NEK7: variants seen among roughly 807,000 people sequenced by gnomAD.
NEK7 encodes NIMA related kinase 7.
Under a neutral mutation model 44.6 loss-of-function variants are expected in NEK7, and 18 were observed. The ratio of observed to expected loss-of-function variants is 0.40; its 90% CI spans 0.28 to 0.60. NEK7 has a LOEUF of 0.60. Ranked by LOEUF, NEK7 falls within the 20% of genes least tolerant of loss-of-function variation. NEK7 has a pLI of 0.38. For synonymous variants in NEK7, 130 were observed against 121.1 expected (o/e 1.07, Z -0.48); for missense variants, 256 against 366.5 (o/e 0.70, Z 2.46).
chr1:198,316,728 C>A (rs1655380500), intron 9 of NEK7, among the ~76,000 whole-genome samples: 1 of 152,142 alleles, frequency 6.6e-6, no homozygotes, highest in African/African-American at 2.4e-5. Context: ...ATCCTTACTA[C>A]CTAACAAAGT....
rs192117970 is a variant in NEK7, at chr1:198,291,845, C to T, written c.590-1100C>T. Among the ~76,000 whole-genome samples the T allele has an allele frequency of 1.0e-3, 157 of 152,124 alleles. 1 individual carries two copies. The highest frequency in any genetic ancestry group is 1.3e-4 in the Non-Finnish European group (9 of 67,962). Reference sequence around the variant, plus strand: ...CTTTATTCTTTTGGCAAACTGACTCCTGCCTTTGAGTATAGTGCTTTGATT... The same window carrying T: ...CTTTATTCTTTTGGCAAACTGACTCTTGCCTTTGAGTATAGTGCTTTGATT... On this transcript the variant is annotated intron_variant, in intron 7 of 9. Transcript: ENST00000367385.
chr1:198,283,663 AAT>A (rs1654280291), intron 7 of NEK7, among the ~76,000 whole-genome samples: 1 of 152,116 alleles, frequency 6.6e-6, no homozygotes, highest in African/African-American at 2.4e-5. Context: ...ATCTTATAAA[AAT>A]ATATGTTAAG....
chr1:198,262,555 A>T lies in NEK7; in HGVS notation c.199-20A>T, dbSNP rs1571585314. The stretch of plus-strand genomic sequence containing the variant: ...CCATAGGTTATTATTTTATTAAGTA[A>T]TTCTGGGTTCTGTTTTTAGATATTT... On this transcript the variant is annotated intron_variant, in intron 3 of 9. Coordinates refer to ENST00000367385, the MANE Select transcript of NEK7 (RefSeq NM_133494.3). 7 of 1,510,714 alleles carry T rather than the reference A, an allele frequency of 4.6e-6. No individual in the cohort carries two copies. The highest frequency in any genetic ancestry group is 6.4e-6 in the Non-Finnish European group (7 of 1,094,102). 93.6% of individuals were successfully genotyped at this position (1,510,714 alleles called of 1,614,324 possible).
intron 2 of NEK7, among the ~76,000 whole-genome samples, chr1:198,250,478 C>A (rs561000065): frequency 3.3e-4 from 50 of 151,400 alleles, no homozygotes; most frequent in African/African-American, 1.2e-3. Flanking sequence ...GGCAGTATGG[C>A]CATTTTCACG....
At chr1:198,314,749 G>T (rs371097010) in intron 9 of NEK7, among the ~76,000 whole-genome samples, 2 of 152,200 alleles carry the variant, frequency 1.3e-5, no homozygotes, top group Admixed American at 6.5e-5. Flanking sequence ...CTGCTCAGGG[G>T]TCAGGGGTCA....
At chr1:198,174,432 G>A (rs1233585428) in intron 1 of NEK7, among the ~76,000 whole-genome samples, 2 of 152,068 alleles carry the variant, frequency 1.3e-5, no homozygotes, top group Non-Finnish European at 2.9e-5. Context: ...TGGGGAGGTG[G>A]GTAGGAGGGG....
intron 1 of NEK7, among the ~76,000 whole-genome samples, chr1:198,216,665 TAAAC>T (rs1264077914): frequency 2.0e-5 from 3 of 151,618 alleles, no homozygotes; most frequent in Admixed American, 6.6e-5. Flanking sequence ...TTTGAAAAGA[TAAAC>T]AAAATCGATA....
At chr1:198,161,163 T>G (rs532922865) in intron 1 of NEK7, among the ~76,000 whole-genome samples, 1 of 152,346 alleles carries the variant, frequency 6.6e-6, no homozygotes, top group South Asian at 2.1e-4. Context: ...CTATAAAAAT[T>G]GAGAAATACG....
chr1:198,315,000 G>C (rs1341201602), intron 9 of NEK7, among the ~76,000 whole-genome samples: 1 of 152,158 alleles, frequency 6.6e-6, no homozygotes, highest in East Asian at 1.9e-4. Flanking sequence ...ACCTAAGCAC[G>C]CCTGGGCAAT....
At chr1:198,280,301 C>G (rs180839715) in intron 7 of NEK7, among the ~76,000 whole-genome samples, 2 of 152,064 alleles carry the variant, frequency 1.3e-5, no homozygotes, top group Non-Finnish European at 2.9e-5. Context: ...CATGTTTTCA[C>G]TTTATATTAC....
intron 1 of NEK7, among the ~76,000 whole-genome samples, chr1:198,193,073 AAAG>A (rs1179356176): frequency 3.9e-5 from 6 of 151,912 alleles, no homozygotes; most frequent in Non-Finnish European, 5.9e-5. Context: ...CTAAACTAAT[AAAG>A]AAGAAGACAG....
At chr1:198,189,836 C>T (rs116568776) in intron 1 of NEK7, among the ~76,000 whole-genome samples, 4,468 of 152,048 alleles carry the variant, frequency 0.029, 118 homozygotes, top group African/African-American at 0.063. Flanking sequence ...AGCATTTAAT[C>T]GCAAGAAGCT....
intron 1 of NEK7, among the ~76,000 whole-genome samples, chr1:198,231,915 A>G (rs1666408319): frequency 6.6e-6 from 1 of 152,116 alleles, no homozygotes; most frequent in Non-Finnish European, 1.5e-5. Flanking sequence ...GTTGAGTAGA[A>G]TCAGTGCAAA....
At chr1:198,190,521 GAATT>G (rs10527416) in intron 1 of NEK7, among the ~76,000 whole-genome samples, 15,005 of 151,922 alleles carry the variant, frequency 0.099, 1,017 homozygotes, top group South Asian at 0.25. Context: ...AAATTGAACA[GAATT>G]AATCAGATAT....
intron 9 of NEK7, among the ~76,000 whole-genome samples, chr1:198,314,138 A>G (rs1655278041): frequency 6.6e-6 from 1 of 152,006 alleles, no homozygotes; most frequent in Admixed American, 6.6e-5. Flanking sequence ...GTTTCTTTTT[A>G]TTCTTTTTTC....
At chr1:198,206,239 A>C (rs1665594801) in intron 1 of NEK7, among the ~76,000 whole-genome samples, 1 of 152,178 alleles carries the variant, frequency 6.6e-6, no homozygotes. Context: ...ACTTTGAATT[A>C]AGTACATTCA....
chr1:198,213,373 A>G (rs1665831828), intron 1 of NEK7, among the ~76,000 whole-genome samples: 1 of 152,132 alleles, frequency 6.6e-6, no homozygotes, highest in South Asian at 2.1e-4. Context: ...CTACCCCAAC[A>G]GTCAGGAAGC....
chr1:198,297,689 G>A (rs376752419), intron 9 of NEK7, among the ~76,000 whole-genome samples: 7 of 152,128 alleles, frequency 4.6e-5, no homozygotes, highest in African/African-American at 1.4e-4. Flanking sequence ...TCCAAAACTC[G>A]AAACACGCAT....
chr1:198,276,063 A>G (rs942127174), intron 5 of NEK7, among the ~76,000 whole-genome samples: 2 of 151,664 alleles, frequency 1.3e-5, no homozygotes, highest in African/African-American at 4.8e-5. Flanking sequence ...TATTGAATTC[A>G]GCTTCTTGTC....
Sources: gnomAD v4.1 joint callset for allele counts (sites outside exome capture counted in the v4.1 genomes callset) on GRCh38, gnomAD v4.1.1 for gene constraint, MANE v1.5 for transcripts, NCBI Gene and HGNC (gene_info 2026-07-23, HGNC 2026-07-21) for gene names.